Variants in GPR39 observed in about 807,000 individuals in gnomAD.
GPR39 encodes zinc sensing receptor.
Under a neutral mutation model 18.4 loss-of-function variants are expected in GPR39, and 23 were observed. The observed-to-expected ratio is 1.25, with a 90% CI of 0.90 to 1.77. The LOEUF (loss-of-function observed/expected upper bound fraction) is 1.77. Among genes scored for constraint, GPR39 ranks in the 40% most tolerant of loss-of-function variants. The probability of loss-of-function intolerance (pLI) is 0.00; values close to 1 mark genes in which losing one functional copy is unlikely to be tolerated. For synonymous variants in GPR39, 280 were observed against 257.9 expected (o/e 1.09, Z -0.82); for missense variants, 647 against 602.4 (o/e 1.07, Z -0.78).
At chr2:132,471,272 C>T (rs4954330) in intron 1 of GPR39, among the ~76,000 whole-genome samples, 9 of 152,074 alleles carry the variant, frequency 5.9e-5, no homozygotes, top group African/African-American at 2.2e-4. Flanking sequence ...GAAGAGAGAA[C>T]AATTTATTTG....
intron 1 of GPR39, among the ~76,000 whole-genome samples, chr2:132,441,895 C>T (rs1346637558): frequency 6.6e-6 from 1 of 152,212 alleles, no homozygotes; most frequent in Non-Finnish European, 1.5e-5. Context: ...CTTGCACTCA[C>T]ACCCATGAAT....
chr2:132,637,766 C>G (rs1339228263), intron 1 of GPR39, among the ~76,000 whole-genome samples: 1 of 152,202 alleles, frequency 6.6e-6, no homozygotes, highest in Admixed American at 6.5e-5. Context: ...TCAACTGCAT[C>G]CCATCCATGC....
At chr2:132,548,204 G>T (rs986805916) in intron 1 of GPR39, among the ~76,000 whole-genome samples, 1 of 152,152 alleles carries the variant, frequency 6.6e-6, no homozygotes, top group African/African-American at 2.4e-5. Context: ...CTTTTCAGCT[G>T]CCCAATTCAA....
chr2:132,643,444 G>A (rs1681904303), intron 1 of GPR39, among the ~76,000 whole-genome samples: 1 of 152,190 alleles, frequency 6.6e-6, no homozygotes, highest in Non-Finnish European at 1.5e-5. Context: ...CAGCAGGCAA[G>A]GAATACTCAG....
intron 1 of GPR39, among the ~76,000 whole-genome samples, chr2:132,428,638 A>G (rs181676679): frequency 2.6e-5 from 4 of 152,226 alleles, no homozygotes; most frequent in African/African-American, 9.6e-5. Flanking sequence ...TGTAATCTGC[A>G]TTGTAAGCAG....
chr2:132,423,065 G>C (rs1446572704), intron 1 of GPR39, among the ~76,000 whole-genome samples: 1 of 151,950 alleles, frequency 6.6e-6, no homozygotes, highest in African/African-American at 2.4e-5. Context: ...GCTGTACAAG[G>C]CAAGGTCCGC....
intron 1 of GPR39, among the ~76,000 whole-genome samples, chr2:132,457,188 T>C (rs1276771568): frequency 6.6e-6 from 1 of 152,214 alleles, no homozygotes; most frequent in Non-Finnish European, 1.5e-5. Context: ...CTTCTTACTC[T>C]TTTTTCTCTA....
At chr2:132,492,176 TACACC>T (rs1192136565) in intron 1 of GPR39, among the ~76,000 whole-genome samples, 15 of 146,006 alleles carry the variant, frequency 1.0e-4, no homozygotes, top group African/African-American at 3.5e-4. Flanking sequence ...ACACCATATA[TACACC>T]ATATATATAC....
At chr2:132,629,090 G>A (rs987232460) in intron 1 of GPR39, among the ~76,000 whole-genome samples, 1 of 152,168 alleles carries the variant, frequency 6.6e-6, no homozygotes, top group African/African-American at 2.4e-5. Context: ...AATCTGTCTT[G>A]GGCAGAGACA....
intron 1 of GPR39, among the ~76,000 whole-genome samples, chr2:132,606,522 G>A (rs986941086): frequency 2.0e-5 from 3 of 152,192 alleles, no homozygotes; most frequent in African/African-American, 7.2e-5. Flanking sequence ...AGCCCTTCTG[G>A]GCTCCAACCC....
chr2:132,634,070 A>G (rs1681704130), intron 1 of GPR39, among the ~76,000 whole-genome samples: 1 of 142,510 alleles, frequency 7.0e-6, no homozygotes, highest in South Asian at 2.1e-4. Context: ...TGGCAGTAGT[A>G]GCAGTGGTGT....
At position 132,645,097 on chromosome 2, in the gene GPR39, C is replaced by G; in HGVS notation, c.857-4C>G. ...GTCTCTCCCTCCTGCTCGTGTCTGCCCAGGGCTGATTGTTGTGACATTGGC... is the reference window on the plus strand; with the variant it reads ...GTCTCTCCCTCCTGCTCGTGTCTGCGCAGGGCTGATTGTTGTGACATTGGC... On this transcript the variant is annotated splice_region_variant and splice_polypyrimidine_tract_variant and intron_variant, in intron 1 of 1. Coordinates refer to ENST00000329321, the MANE Select transcript of GPR39 (RefSeq NM_001508.3). 1 of 1,609,958 alleles carries G rather than the reference C, an allele frequency of 6.2e-7. No homozygotes were observed. The highest frequency in any genetic ancestry group is 8.5e-7 in the Non-Finnish European group (1 of 1,177,714).
chr2:132,534,146 GA>G (rs1679696626), intron 1 of GPR39, among the ~76,000 whole-genome samples: 1 of 151,942 alleles, frequency 6.6e-6, no homozygotes, highest in South Asian at 2.1e-4. Context: ...AAATTTACAA[GA>G]AAAAAACAAC....
At chr2:132,491,287 A>G (rs1681455148) in intron 1 of GPR39, among the ~76,000 whole-genome samples, 1 of 152,156 alleles carries the variant, frequency 6.6e-6, no homozygotes, top group Non-Finnish European at 1.5e-5. Context: ...TGGAGAGACA[A>G]TTCTGTGTAT....
chr2:132,598,641 G>A (rs1224440855), intron 1 of GPR39, among the ~76,000 whole-genome samples: 1 of 151,986 alleles, frequency 6.6e-6, no homozygotes, highest in African/African-American at 2.4e-5. Context: ...CCTTTAAAAT[G>A]TGAAGGGCAG....
At chr2:132,543,551 GCC>G (rs1339180862) in intron 1 of GPR39, among the ~76,000 whole-genome samples, 2 of 152,150 alleles carry the variant, frequency 1.3e-5, no homozygotes, top group African/African-American at 4.8e-5. Flanking sequence ...CTGGAACAGT[GCC>G]ACTTTAACCC....
At chr2:132,442,270 C>G (rs1194337553) in intron 1 of GPR39, among the ~76,000 whole-genome samples, 1 of 152,118 alleles carries the variant, frequency 6.6e-6, no homozygotes, top group Non-Finnish European at 1.5e-5. Context: ...CTGATCACTC[C>G]CTTAGAAGCA....
chr2:132,580,498 AC>A (rs1224628324), intron 1 of GPR39, among the ~76,000 whole-genome samples: 1 of 152,188 alleles, frequency 6.6e-6, no homozygotes, highest in Non-Finnish European at 1.5e-5. Flanking sequence ...AAATATGTTT[AC>A]TTGCACACTT....
chr2:132,583,554 G>A (rs1304884900), intron 1 of GPR39, among the ~76,000 whole-genome samples: 1 of 151,984 alleles, frequency 6.6e-6, no homozygotes, highest in East Asian at 1.9e-4. Context: ...GAGTCTCAGG[G>A]ACATTTCAGT....
Sources: allele counts gnomAD v4.1 joint callset (sites outside exome capture counted in the v4.1 genomes callset), GRCh38; gene constraint gnomAD v4.1.1; transcripts MANE v1.5; gene names NCBI Gene and HGNC (gene_info 2026-07-23, HGNC 2026-07-21).